Variants in FANCE observed in about 807,000 individuals in gnomAD.
FANCE encodes the protein Fanconi anemia group E protein.
In FANCE, 42 loss-of-function variants were observed where a neutral mutation model predicts 57.8. The observed-to-expected ratio is 0.73, with a 90% CI of 0.57 to 0.94. The LOEUF (loss-of-function observed/expected upper bound fraction) is 0.94, where lower values mean the gene tolerates loss of function less well. Among genes scored for constraint, FANCE ranks in the 40% least tolerant of loss-of-function variants. FANCE has a pLI of 0.00. For synonymous variants in FANCE, 251 were observed against 286.4 expected (o/e 0.88, Z 1.25); for missense variants, 608 against 661.8 (o/e 0.92, Z 0.89).
At chr6:35,462,612 G>T (rs541941731) in intron 8 of FANCE, among the ~76,000 whole-genome samples, 177 bp from the exon 9 acceptor site, 1 of 152,240 alleles carries the variant, frequency 6.6e-6, no homozygotes, top group South Asian at 2.1e-4. Context: ...ACAGTCTTCC[G>T]TTAGATATCC....
chr6:35,466,878 G>GC lies in FANCE; in HGVS notation c.*537dup. The GC allele has an allele frequency of 4.2e-6, 1 of 239,840 alleles. No homozygotes were observed. The highest frequency in any genetic ancestry group is 6.4e-5 in the East Asian group (1 of 15,562). The allele number at this position is 239,840 out of a possible 1,614,324, so 14.9% of individuals were successfully genotyped here. A position where few individuals can be genotyped will look rare whatever the true frequency, so the allele number is the denominator to read the frequency against. ...AGAGCTATATTTCCAAAGGCTGCTG[G>GC]CCCCAGGCACACTCCTCATCAATTC... On this transcript the variant is annotated 3_prime_UTR_variant, in exon 10 of 10. Coordinates refer to ENST00000229769, the MANE Select transcript of FANCE (RefSeq NM_021922.3).
chr6:35,452,526 C>T lies in FANCE; in HGVS notation c.-20C>T. The T allele has an allele frequency of 1.6e-6, 2 of 1,286,244 alleles. No individual in the cohort carries two copies. Among genetic ancestry groups the T allele is most frequent in the Admixed American group, 3.4e-5 (1 of 29,382 alleles). 79.7% of individuals were successfully genotyped at this position (1,286,244 alleles called of 1,614,324 possible). On this transcript the variant is annotated 5_prime_UTR_variant, in exon 1 of 10. Transcript: ENST00000229769. ...GGCCCCACACCAGAGTAGGGGGCGG[C>T]GCGGCACCCGTGCCCCGGCATGGCG...
chr6:35,466,185 G>C, intron 9 of FANCE, 59 bp from the exon 10 acceptor site: 1 of 1,086,624 alleles, frequency 9.2e-7, no homozygotes, highest in Non-Finnish European at 1.4e-6. Context: ...CCCTGGGGTA[G>C]TCGGGAGACG....
chr6:35,464,707 G>A (rs1767748662), intron 9 of FANCE, among the ~76,000 whole-genome samples: 1 of 147,124 alleles, frequency 6.8e-6, no homozygotes, highest in South Asian at 2.2e-4. Flanking sequence ...TATTCCATGT[G>A]TCAGCCCTGT....
chr6:35,460,874 T>A (rs1767562288), intron 8 of FANCE, among the ~76,000 whole-genome samples: 1 of 152,078 alleles, frequency 6.6e-6, no homozygotes. Flanking sequence ...TGTGTGTGTG[T>A]GAATTTAATT....
chr6:35,453,811 G>T lies in FANCE; in HGVS notation c.248+1018G>T, dbSNP rs1767209945. On this transcript the variant is annotated intron_variant, in intron 1 of 9. Transcript: ENST00000229769. ...TATAGAAATGTTTGCCCAGCTATCT[G>T]GCTTATTCTGGATAGAGTAAGGAGA... Among the ~76,000 whole-genome samples the T allele has an allele frequency of 2.0e-5, 3 of 152,174 alleles. No homozygotes were observed. The South Asian group carries it at 6.2e-4, about 32-fold the overall frequency.
At position 35,452,539 on chromosome 6, in the gene FANCE, C is replaced by T. The variant is rs1197717918; in HGVS notation, c.-7C>T. On this transcript the variant is annotated 5_prime_UTR_variant, in exon 1 of 10. Transcript: ENST00000229769. ...AGTAGGGGGCGGCGCGGCACCCGTG[C>T]CCCGGCATGGCGACACCGGACGCGG... 1.1e-5 allele frequency: 14 copies of T among 1,308,462 alleles called. No individual in the cohort carries two copies. The South Asian group carries it at 1.1e-4, about 11-fold the overall frequency. 81.1% of individuals were successfully genotyped at this position (1,308,462 alleles called of 1,614,324 possible).
chr6:35,464,671 C>T (rs894271163), intron 9 of FANCE, among the ~76,000 whole-genome samples: 1 of 151,152 alleles, frequency 6.6e-6, no homozygotes, highest in Non-Finnish European at 1.5e-5. Flanking sequence ...GGCTCTAAGC[C>T]CTTTACATAT....
chr6:35,458,323 G>C lies in FANCE; in HGVS notation c.996G>C (p.Gln332His), dbSNP rs1767431905. The C allele has an allele frequency of 1.2e-6, 2 of 1,614,046 alleles. No individual in the cohort carries two copies. The highest frequency in any genetic ancestry group is 1.1e-5 in the South Asian group (1 of 91,088). The change falls in exon 5 of 10, where the codon CAG becomes CAC. Residue 332 changes from glutamine to histidine, a missense_variant. Transcript: ENST00000229769. ...TGGACTTGCTGTGTGCCCAGCTGCA[G>C]CTCCCTCAGCTCTCAGACCTCGGTC... The part of the protein sequence containing the change: ...SQMDLLCAQL[Q>H]LPQLSDLGLL...
Position 35,455,862 on chromosome 6 carries a change from C to T in FANCE, c.364C>T (p.Gln122Ter). 5 of 1,614,204 alleles carry T rather than the reference C, an allele frequency of 3.1e-6. No homozygotes were observed. The highest frequency in any genetic ancestry group is 4.2e-6 in the Non-Finnish European group (5 of 1,180,044). The change falls in exon 2 of 10, where the codon CAG becomes TAG. Residue 122 changes from glutamine (Q) to a stop codon, truncating the protein, a stop_gained. Transcript: ENST00000229769. LOFTEE classifies it high-confidence loss of function. ...SGLLSVLQIA[Q>*]QDLAPDPDAW... ...GCTCCTCTCTGTGCTGCAGATTGCC[C>T]AGCAGGACCTAGCCCCTGACCCAGA... is the stretch of plus-strand genomic sequence containing the variant.
chr6:35,461,123 C>T (rs6457824), intron 8 of FANCE, among the ~76,000 whole-genome samples: 21,798 of 148,338 alleles, frequency 0.15, 2,907 homozygotes, highest in African/African-American at 0.36. Flanking sequence ...TTGCCATGAC[C>T]TGAGGCCAGA....
Position 35,460,571 on chromosome 6 carries a change from T to G in FANCE, c.1336T>G (p.Trp446Gly). 6.2e-7 allele frequency: 1 copy of G among 1,614,110 alleles called. No homozygotes were observed. The highest frequency in any genetic ancestry group is 1.6e-4 in the Middle Eastern group (1 of 6,062). The change falls in exon 8 of 10, where the codon TGG (tryptophan) becomes GGG (glycine). Residue 446 changes from tryptophan (W) to glycine (G), a missense_variant. Coordinates refer to ENST00000229769, the MANE Select transcript of FANCE (RefSeq NM_021922.3). ...TTGCAGACAGATCTTGGAGCTGCCC[T>G]GGAAGGAGGAAACTTTCTTGGTGTT... Reference protein sequence around the residue: ...LMLGQILELPWKEETFLVLQS... With the variant: ...LMLGQILELPGKEETFLVLQS...
At position 35,462,117 on chromosome 6, in the gene FANCE, AT is replaced by A. The variant is rs1554122312; in HGVS notation, c.1384-664del. On this transcript the variant is annotated intron_variant, in intron 8 of 9. Coordinates refer to ENST00000229769, the MANE Select transcript of FANCE (RefSeq NM_021922.3). The stretch of plus-strand genomic sequence containing the variant: ...TTATTAAATAATAATAATAATTATT[AT>A]TTTTTTTGAGACGGAGTCTCACTCT... Among the ~76,000 whole-genome samples the A allele has an allele frequency of 4.5e-3, 678 of 149,862 alleles. 7 individuals carry two copies. Among genetic ancestry groups the A allele is most frequent in the African/African-American group, 0.015 (608 of 40,626 alleles).
Position 35,458,428 on chromosome 6 carries a change from CTT to C in FANCE, c.1103_1104del (p.Phe368SerfsTer36). Reference sequence around the variant, plus strand: ...ATGCTACTGTGCTGACCAGAAGCCTCTTTCTTGGACGGGTAGGTGTATTGGGA... The same window carrying C: ...ATGCTACTGTGCTGACCAGAAGCCTCTCTTGGACGGGTAGGTGTATTGGGA... ...SNATVLTRSL[F>X]LGRILSLTSS... On this transcript the variant is annotated frameshift_variant, in exon 5 of 10. Coordinates refer to ENST00000229769, the MANE Select transcript of FANCE (RefSeq NM_021922.3). LOFTEE classifies it high-confidence loss of function. 1 of 1,614,148 alleles carries C rather than the reference CTT, an allele frequency of 6.2e-7. No individual in the cohort carries two copies. Among genetic ancestry groups the C allele is most frequent in the South Asian group, 1.1e-5 (1 of 91,082 alleles).
At chr6:35,454,867 C>T (rs930163189) in intron 1 of FANCE, among the ~76,000 whole-genome samples, 3 of 152,246 alleles carry the variant, frequency 2.0e-5, no homozygotes, top group East Asian at 3.8e-4. Flanking sequence ...GATCTCAGCA[C>T]ACTTAGAGAG....
intron 7 of FANCE, among the ~76,000 whole-genome samples, 166 bp downstream of exon 7, chr6:35,459,926 TG>T (rs1767517827): frequency 6.6e-6 from 1 of 152,186 alleles, no homozygotes; most frequent in African/African-American, 2.4e-5. Context: ...CTTTGCCTTT[TG>T]TTCTCACGAT....
intron 9 of FANCE, among the ~76,000 whole-genome samples, chr6:35,463,696 C>G (rs1202119902): frequency 6.7e-6 from 1 of 149,394 alleles, no homozygotes; most frequent in Non-Finnish European, 1.5e-5. Flanking sequence ...GAGTCTCGCA[C>G]TGTTGCCCAG....
At position 35,466,677 on chromosome 6, in the gene FANCE, A is replaced by T; in HGVS notation, c.*332A>T. 2.4e-6 allele frequency: 1 copy of T among 420,894 alleles called. No homozygotes were observed. 26.1% of individuals were successfully genotyped at this position (420,894 alleles called of 1,614,324 possible). The stretch of plus-strand genomic sequence containing the variant: ...TCTGCCTCCCAGGCTCGATCCTCCC[A>T]TGTCAGCCTCCCAAGTAGCTGGGAC... On this transcript the variant is annotated 3_prime_UTR_variant, in exon 10 of 10. Coordinates refer to ENST00000229769, the MANE Select transcript of FANCE (RefSeq NM_021922.3).
chr6:35,462,196 C>G (rs962787838), intron 8 of FANCE, among the ~76,000 whole-genome samples: 9 of 152,082 alleles, frequency 5.9e-5, no homozygotes, highest in Admixed American at 2.0e-4. Context: ...CAACCTCTAC[C>G]TCCTGGGTTC....
Sources: gnomAD v4.1 joint callset for allele counts (sites outside exome capture counted in the v4.1 genomes callset) on GRCh38, gnomAD v4.1.1 for gene constraint, MANE v1.5 for transcripts, NCBI Gene and HGNC (gene_info 2026-07-23, HGNC 2026-07-21) for gene names.